Variants in TAOK3 observed in about 807,000 individuals in gnomAD.
TAOK3 encodes serine/threonine-protein kinase TAO3.
Under a neutral mutation model 120.4 loss-of-function variants are expected in TAOK3, and 40 were observed. That is an observed-to-expected ratio of 0.33 (90% CI 0.26 to 0.43). The LOEUF (loss-of-function observed/expected upper bound fraction) is 0.43, where lower values mean the gene tolerates loss of function less well. Ranked by LOEUF, TAOK3 falls within the 20% of genes least tolerant of loss-of-function variation. The pLI, the probability that TAOK3 is intolerant of heterozygous loss-of-function variation, is 1.00. For missense variants in TAOK3, 821 were observed against 1,112.1 expected, an observed-to-expected ratio of 0.74 and a Z score of 3.72; for synonymous variants, 355 against 387.5, an observed-to-expected ratio of 0.92 and a Z score of 0.99.
intron 11 of TAOK3, among the ~76,000 whole-genome samples, chr12:118,205,735 C>T (rs1344072599): frequency 6.6e-6 from 1 of 152,116 alleles, no homozygotes; most frequent in Non-Finnish European, 1.5e-5. Flanking sequence ...CTCAGCCTCC[C>T]CAGTAGCTGG....
chr12:118,252,969 G>A (rs554044458), intron 3 of TAOK3, among the ~76,000 whole-genome samples: 16 of 152,130 alleles, frequency 1.1e-4, no homozygotes, highest in South Asian at 4.1e-4. Context: ...CTCGTGATCC[G>A]CCTGCCTCAG....
At chr12:118,151,793 TATC>T (rs1372717635) in intron 20 of TAOK3, among the ~76,000 whole-genome samples, 2 of 152,228 alleles carry the variant, frequency 1.3e-5, no homozygotes, top group Non-Finnish European at 2.9e-5. Context: ...AATATCAGCC[TATC>T]ATCATTTTAA....
At chr12:118,279,538 T>C (rs1022946019) in intron 1 of TAOK3, among the ~76,000 whole-genome samples, 4 of 151,906 alleles carry the variant, frequency 2.6e-5, no homozygotes, top group African/African-American at 4.8e-5. Flanking sequence ...AGTGTTTTTA[T>C]AGTTTTAGGT....
chr12:118,311,356 G>A (rs1490235834), intron 1 of TAOK3, among the ~76,000 whole-genome samples: 2 of 152,200 alleles, frequency 1.3e-5, no homozygotes, highest in African/African-American at 4.8e-5. Context: ...AGCTACTTGG[G>A]AGGCTGAGGC....
At chr12:118,336,205 A>G (rs2044360379) in intron 1 of TAOK3, among the ~76,000 whole-genome samples, 1 of 152,250 alleles carries the variant, frequency 6.6e-6, no homozygotes, top group Admixed American at 6.5e-5. Context: ...ATGTAGCTAC[A>G]GTAATCAAGG....
chr12:118,169,309 C>CT (rs1437744014), intron 17 of TAOK3, among the ~76,000 whole-genome samples: 1 of 89,026 alleles, frequency 1.1e-5, no homozygotes, highest in African/African-American at 4.5e-5. Context: ...CCACCACGCC[C>CT]ACCCCCACCC....
At chr12:118,348,230 C>A (rs1005277396) in intron 1 of TAOK3, among the ~76,000 whole-genome samples, 3 of 152,218 alleles carry the variant, frequency 2.0e-5, no homozygotes, top group Non-Finnish European at 4.4e-5. Flanking sequence ...CTGACAGCTT[C>A]TTGCTGACCT....
chr12:118,190,515 G>A (rs1470859877), intron 13 of TAOK3: 2 of 152,622 alleles, frequency 1.3e-5, no homozygotes, highest in Non-Finnish European at 1.5e-5. Context: ...CTGCTTTCCA[G>A]TCATGATCGT....
At chr12:118,321,680 C>A (rs7294498) in intron 1 of TAOK3, among the ~76,000 whole-genome samples, 38,702 of 152,094 alleles carry the variant, frequency 0.25, 5,843 homozygotes, top group African/African-American at 0.42. Context: ...AGAACCTAAA[C>A]TTTCAGAAAA....
intron 1 of TAOK3, chr12:118,359,786 G>A (rs1434568257): frequency 6.6e-6 from 1 of 152,090 alleles, no homozygotes; most frequent in East Asian, 1.9e-4. Flanking sequence ...TTTTGTAAGA[G>A]ATCCACTAAA....
chr12:118,346,286 A>G (rs1015561768), intron 1 of TAOK3, among the ~76,000 whole-genome samples: 1 of 152,216 alleles, frequency 6.6e-6, no homozygotes, highest in East Asian at 1.9e-4. Context: ...TTTACTAATA[A>G]GTCTTCTAGT....
At chr12:118,343,122 C>T (rs1223619935) in intron 1 of TAOK3, among the ~76,000 whole-genome samples, 2 of 151,716 alleles carry the variant, frequency 1.3e-5, no homozygotes, top group East Asian at 1.9e-4. Context: ...TTAATCAAAA[C>T]ATAAATTTTT....
rs2037900406 is a variant in TAOK3, at chr12:118,199,210, G to A, written c.1035C>T (p.Gly345=). Residue 345 remains glycine (G), a synonymous_variant, in exon 13 of 21, where the codon GGC becomes GGT. Coordinates refer to ENST00000392533, the MANE Select transcript of TAOK3 (RefSeq NM_016281.4). The stretch of plus-strand genomic sequence containing the variant: ...ACATGCTTGGAATGGAATGGTTGCT[G>A]CCCAGGCTGTCCATTTCCCTGTTCA... ...TSLNREMDSL[G]SNHSIPSMSV... The A allele has an allele frequency of 1.2e-6, 2 of 1,614,046 alleles. No individual in the cohort carries two copies. Among genetic ancestry groups the A allele is most frequent in the South Asian group, 2.2e-5 (2 of 91,094 alleles).
intron 9 of TAOK3, among the ~76,000 whole-genome samples, chr12:118,219,944 T>C (rs921101336): frequency 2.0e-5 from 3 of 148,256 alleles, no homozygotes; most frequent in Non-Finnish European, 4.5e-5. Context: ...TCCTTCCTTC[T>C]TTCCTCCCTC....
rs778476097 is a variant in TAOK3 at position 118,238,059 on chromosome 12, G to A, written c.437+14C>T. 2.0e-6 allele frequency: 3 copies of A among 1,519,056 alleles called. No homozygotes were observed. The South Asian group carries it at 3.5e-5, about 18-fold the overall frequency. The allele number at this position is 1,519,056 out of a possible 1,614,324, so 94.1% of individuals were successfully genotyped here. On this transcript the variant is annotated intron_variant, in intron 7 of 20. Coordinates refer to ENST00000392533, the MANE Select transcript of TAOK3 (RefSeq NM_016281.4). ...CTGCAACTGAAAAGAAACATAACTGGTCTCTAATCTTACCTATGAATCAAT... is the reference window on the plus strand; with the variant it reads ...CTGCAACTGAAAAGAAACATAACTGATCTCTAATCTTACCTATGAATCAAT...
intron 1 of TAOK3, among the ~76,000 whole-genome samples, chr12:118,330,774 A>AT (rs2044114420): frequency 6.6e-6 from 1 of 151,980 alleles, no homozygotes; most frequent in South Asian, 2.1e-4. Context: ...AAAAAAAAAA[A>AT]AGGTAGAAAG....
chr12:118,302,616 T>C (rs2042919830), intron 1 of TAOK3, among the ~76,000 whole-genome samples: 1 of 152,170 alleles, frequency 6.6e-6, no homozygotes, highest in South Asian at 2.1e-4. Context: ...CTGTTTTTAA[T>C]TGTGGCAAAG....
intron 1 of TAOK3, among the ~76,000 whole-genome samples, chr12:118,312,586 A>G (rs995283145): frequency 6.6e-6 from 1 of 152,230 alleles, no homozygotes; most frequent in African/African-American, 2.4e-5. Flanking sequence ...ACAACCTACA[A>G]ATGTTTTATA....
chr12:118,301,892 A>G (rs1013528979), intron 1 of TAOK3, among the ~76,000 whole-genome samples: 3 of 152,078 alleles, frequency 2.0e-5, no homozygotes, highest in African/African-American at 7.2e-5. Context: ...ATAAGGGTTA[A>G]GTACATCAAA....
Sources: gnomAD v4.1 joint callset for allele counts (sites outside exome capture counted in the v4.1 genomes callset) on GRCh38, gnomAD v4.1.1 for gene constraint, MANE v1.5 for transcripts, NCBI Gene and HGNC (gene_info 2026-07-23, HGNC 2026-07-21) for gene names.